AHI1: variants seen among roughly 807,000 people sequenced by gnomAD.
The protein encoded by AHI1 is Abelson helper integration site 1.
In AHI1, 123 loss-of-function variants were observed where a neutral mutation model predicts 149.3. The ratio of observed to expected loss-of-function variants is 0.82; its 90% CI spans 0.71 to 0.96. AHI1 has a LOEUF of 0.96. Ranked by LOEUF, AHI1 falls within the 40% of genes least tolerant of loss-of-function variation. The pLI is 0.00. For missense variants in AHI1, 1,439 were observed against 1,422.7 expected, an observed-to-expected ratio of 1.01 and a Z score of -0.18; for synonymous variants, 475 against 459.8, an observed-to-expected ratio of 1.03 and a Z score of -0.42.
chr6:135,369,411 T>G (rs1774698354), intron 23 of AHI1, among the ~76,000 whole-genome samples: 1 of 152,222 alleles, frequency 6.6e-6, no homozygotes, highest in Non-Finnish European at 1.5e-5. Flanking sequence ...GAGCTGCAAG[T>G]TAGTCCTGCC....
intron 27 of AHI1, among the ~76,000 whole-genome samples, chr6:135,292,871 G>A (rs2128341566): frequency 6.6e-6 from 1 of 152,280 alleles, no homozygotes; most frequent in Admixed American, 6.5e-5. Flanking sequence ...AATTGAAGAG[G>A]TGGGAATACT....
At position 135,340,400 on chromosome 6, in the gene AHI1, A is replaced by C. The variant is rs191866544; in HGVS notation, c.3166-17076T>G. Among the ~76,000 whole-genome samples, 980 of 145,522 alleles carry C rather than the reference A, an allele frequency of 6.7e-3. 17 individuals carry two copies. Among genetic ancestry groups the C allele is most frequent in the African/African-American group, 0.024 (933 of 39,490 alleles). ...AACAAAAACCAAAACAAAAACAAAC[A>C]AAAAAAAAAGGAAGGATAAGCAGTG... On this transcript the variant is annotated intron_variant, in intron 24 of 28. Coordinates refer to ENST00000265602, the MANE Select transcript of AHI1 (RefSeq NM_001134831.2).
intron 24 of AHI1, among the ~76,000 whole-genome samples, chr6:135,339,976 T>C (rs1790037358): frequency 6.6e-6 from 1 of 151,996 alleles, no homozygotes; most frequent in African/African-American, 2.4e-5. Flanking sequence ...CATAAAAAAA[T>C]GTGAAGGCCA....
Position 135,481,488 on chromosome 6 carries a change from T to G in AHI1, c.135+9135A>C, listed in dbSNP as rs1026936221. On this transcript the variant is annotated intron_variant, in intron 5 of 28. Transcript: ENST00000265602. ...TGAGCATTTCCTTTGAGCATATTCA[T>G]GCTCAAAATGTTTTGGATTCTTGAC... 2.0e-5 allele frequency among the ~76,000 whole-genome samples: 3 copies of G among 152,140 alleles called. No individual in the cohort carries two copies. The South Asian group carries it at 6.2e-4, about 31-fold the overall frequency.
Position 135,390,931 on chromosome 6 carries a change from T to C in AHI1, c.3109+3845A>G, listed in dbSNP as rs368640296. Reference sequence around the variant, plus strand: ...GCATGGAAACAGTTTTGAGATACAATATAAGATGTTTACTACATGGTAAGG... The same window carrying C: ...GCATGGAAACAGTTTTGAGATACAACATAAGATGTTTACTACATGGTAAGG... On this transcript the variant is annotated intron_variant, in intron 23 of 28. Transcript: ENST00000265602. Among the ~76,000 whole-genome samples the C allele has an allele frequency of 7.9e-5, 12 of 152,344 alleles. 1 individual carries two copies. The highest frequency in any genetic ancestry group is 1.9e-4 in the East Asian group (1 of 5,190).
At chr6:135,395,508 TTATC>T (rs1476043804) in intron 22 of AHI1, among the ~76,000 whole-genome samples, 3 of 151,930 alleles carry the variant, frequency 2.0e-5, no homozygotes, top group Non-Finnish European at 4.4e-5. Context: ...CCTAGTATGA[TTATC>T]TGAGTGCACA....
At chr6:135,492,868 T>TTAC (rs1653092966) in intron 3 of AHI1, 9 of 985,286 alleles carry the variant, frequency 9.1e-6, no homozygotes, top group Non-Finnish European at 1.1e-5. Context: ...AGTATGTATA[T>TTAC]TACTAAATTG....
intron 7 of AHI1, among the ~76,000 whole-genome samples, chr6:135,463,851 C>T (rs930776140): frequency 6.6e-6 from 1 of 151,984 alleles, no homozygotes; most frequent in African/African-American, 2.4e-5. Context: ...TCCCAGGCTC[C>T]AGCAATCCTC....
At chr6:135,343,083 T>C (rs1258661339) in intron 24 of AHI1, among the ~76,000 whole-genome samples, 1 of 151,596 alleles carries the variant, frequency 6.6e-6, no homozygotes, top group East Asian at 1.9e-4. Flanking sequence ...TGTTAGAATA[T>C]ACAGATTCAA....
At chr6:135,430,110 T>C in intron 17 of AHI1, 110 bp from the exon 18 acceptor site, 3 of 589,406 alleles carry the variant, frequency 5.1e-6, no homozygotes, top group Non-Finnish European at 8.8e-6. Flanking sequence ...CTGTATAGGA[T>C]GCTTTAAAAT....
chr6:135,371,162 A>C (rs1775000832), intron 23 of AHI1, among the ~76,000 whole-genome samples: 1 of 152,178 alleles, frequency 6.6e-6, no homozygotes, highest in South Asian at 2.1e-4. Context: ...GTAAGAAAAC[A>C]CCTAATTTTT....
At chr6:135,439,215 T>C (rs1583236290) in intron 14 of AHI1, among the ~76,000 whole-genome samples, 1 of 152,228 alleles carries the variant, frequency 6.6e-6, no homozygotes, top group Admixed American at 6.5e-5. Flanking sequence ...CAGTCAACCA[T>C]GGTCTGAAAA....
chr6:135,325,183 C>T (rs1393165713), intron 24 of AHI1, among the ~76,000 whole-genome samples: 4 of 152,058 alleles, frequency 2.6e-5, no homozygotes, highest in African/African-American at 7.2e-5. Flanking sequence ...CCCACCACCG[C>T]GCCTGGCTAA....
chr6:135,453,010 G>A (rs1254024407), intron 11 of AHI1, among the ~76,000 whole-genome samples: 1 of 152,130 alleles, frequency 6.6e-6, no homozygotes, highest in Non-Finnish European at 1.5e-5. Context: ...AGGAGTTCAA[G>A]GAATTTGTCA....
Position 135,490,095 on chromosome 6 carries a change from T to C in AHI1, c.135+528A>G, listed in dbSNP as rs1795043697. On this transcript the variant is annotated intron_variant, in intron 5 of 28. Transcript: ENST00000265602. ...AGGGGATCAGGTTGTAGTTAGTTGC[T>C]GATTTGCTTAGTCTTTGAGCACTGT... 2.1e-5 allele frequency: 15 copies of C among 699,640 alleles called. No homozygotes were observed. The Admixed American group carries it at 2.3e-4, about 11-fold the overall frequency. The allele number at this position is 699,640 out of a possible 1,614,324, so 43.3% of individuals were successfully genotyped here. A position where few individuals can be genotyped will look rare whatever the true frequency, so the allele number is the denominator to read the frequency against.
At chr6:135,351,548 G>C (rs1434089304) in intron 24 of AHI1, among the ~76,000 whole-genome samples, 1 of 152,170 alleles carries the variant, frequency 6.6e-6, no homozygotes, top group African/African-American at 2.4e-5. Flanking sequence ...TCTGGAATCA[G>C]TGTTCTTTAC....
chr6:135,296,584 T>C (rs2128345987), intron 27 of AHI1, among the ~76,000 whole-genome samples: 1 of 152,342 alleles, frequency 6.6e-6, no homozygotes, highest in Non-Finnish European at 1.5e-5. Flanking sequence ...GCTGCACTTG[T>C]GTTCTACATA....
At chr6:135,337,215 A>G (rs940678549) in intron 24 of AHI1, among the ~76,000 whole-genome samples, 1 of 152,198 alleles carries the variant, frequency 6.6e-6, no homozygotes. Flanking sequence ...AGACACCTGA[A>G]GAAGATCAAC....
In AHI1 at chr6:135,447,087, T is replaced by C. The variant is rs569064380; in HGVS notation, c.1700A>G (p.His567Arg). Residue 567 changes from histidine (H) to arginine (R), a missense_variant, in exon 13 of 29, where the codon CAT becomes CGT. Physicochemically the swap from His to Arg is conservative, Grantham distance 29. Coordinates refer to ENST00000265602, the MANE Select transcript of AHI1 (RefSeq NM_001134831.2). ...KGKPVHCERH[H>R]ESSSVDTEPG... The stretch of plus-strand genomic sequence containing the variant: ...TTCTGTGTCTACTGAGCTTGACTCA[T>C]GGTGACGTTCACAATGCACTGGTTT... The C allele has an allele frequency of 1.2e-6, 2 of 1,604,692 alleles. No homozygotes were observed. Among genetic ancestry groups the C allele is most frequent in the East Asian group, 2.3e-5 (1 of 44,002 alleles).
Sources: allele counts gnomAD v4.1 joint callset (sites outside exome capture counted in the v4.1 genomes callset), GRCh38; gene constraint gnomAD v4.1.1; transcripts MANE v1.5; gene names NCBI Gene and HGNC (gene_info 2026-07-23, HGNC 2026-07-21).